Variants in WDR72 observed in about 807,000 individuals in gnomAD.
The protein encoded by WDR72 is WD repeat-containing protein 72.
WDR72 carries 120 observed loss-of-function variants against 124.2 expected under a neutral mutation model. That is an observed-to-expected ratio of 0.97 (90% CI 0.83 to 1.12). The LOEUF (loss-of-function observed/expected upper bound fraction) is 1.12, where lower values mean the gene tolerates loss of function less well. Ranked by LOEUF, WDR72 falls within the 50% of genes most tolerant of loss-of-function variation. WDR72 has a pLI of 0.00. For missense variants in WDR72, 1,387 were observed against 1,278.8 expected (o/e 1.08, Z -1.29); for synonymous variants, 452 against 441.7 (o/e 1.02, Z -0.29).
Position 53,615,586 on chromosome 15 carries a change from AT to A in WDR72, c.2619del (p.Lys873AsnfsTer29). 6.2e-7 allele frequency: 1 copy of A among 1,613,034 alleles called. No individual in the cohort carries two copies. On this transcript the variant is annotated frameshift_variant, in exon 15 of 20. Transcript: ENST00000360509. LOFTEE classifies it high-confidence loss of function. ...ACCTGATTTGGAAGAGTGGCTGTGT[AT>A]TTATCTGACAAGTCCAAAACTTTCC... ...FSRKVLDLSDKYTATLPNQVG... is the reference protein window; with the variant it reads ...FSRKVLDLSDXYTATLPNQVG...
chr15:53,602,007 A>G lies in WDR72; in HGVS notation c.2953-4733T>C, dbSNP rs547204505. Among the ~76,000 whole-genome samples, 32 of 152,262 alleles carry G rather than the reference A, an allele frequency of 2.1e-4. No homozygotes were observed. In the South Asian group the frequency reaches 5.4e-3, roughly 26 times the overall value. The stretch of plus-strand genomic sequence containing the variant: ...GATCAAATGGACCTGATGTCTATAG[A>G]ACTCTCCACCCAAAAACAACAGATT... On this transcript the variant is annotated intron_variant, in intron 17 of 19. Transcript: ENST00000360509.
chr15:53,752,038 A>G (rs2018788097), intron 1 of WDR72, among the ~76,000 whole-genome samples: 2 of 152,208 alleles, frequency 1.3e-5, no homozygotes, highest in African/African-American at 2.4e-5. Flanking sequence ...TAAGTAAACA[A>G]TATTCCGATA....
At chr15:53,751,465 T>C (rs2018771951) in intron 1 of WDR72, among the ~76,000 whole-genome samples, 1 of 152,202 alleles carries the variant, frequency 6.6e-6, no homozygotes, top group Admixed American at 6.5e-5. Context: ...GTACTTTTAA[T>C]CACAGTATGC....
At chr15:53,690,455 TCTC>T (rs1162573894) in intron 13 of WDR72, among the ~76,000 whole-genome samples, 4 of 152,102 alleles carry the variant, frequency 2.6e-5, no homozygotes, top group Admixed American at 2.6e-4. Flanking sequence ...CACAACCACA[TCTC>T]CTGACAACCA....
Position 53,676,779 on chromosome 15 carries a change from T to C in WDR72, c.1766-11011A>G, listed in dbSNP as rs149051862. 1.4e-3 allele frequency among the ~76,000 whole-genome samples: 216 copies of C among 152,304 alleles called. 2 individuals carry two copies. The East Asian group carries it at 0.039, about 27-fold the overall frequency. On this transcript the variant is annotated intron_variant, in intron 13 of 19. Transcript: ENST00000360509. ...TGTGAGACAATAAATAGGTGTTGTT[T>C]TGAGCTGCTAAGTTTGTGTTAATTT...
At chr15:53,584,095 A>G (rs2012075752) in intron 18 of WDR72, among the ~76,000 whole-genome samples, 1 of 152,034 alleles carries the variant, frequency 6.6e-6, no homozygotes, top group African/African-American at 2.4e-5. Flanking sequence ...ATAATTACAC[A>G]AAAAAGGAAA....
chr15:53,732,904 A>G, intron 2 of WDR72, 93 bp downstream of exon 2: 1 of 1,468,438 alleles, frequency 6.8e-7, no homozygotes, highest in Non-Finnish European at 9.5e-7. Context: ...TTTAACAATC[A>G]TGCAAACCTT....
intron 18 of WDR72, among the ~76,000 whole-genome samples, chr15:53,579,255 A>G (rs1416275296): frequency 6.6e-6 from 1 of 152,092 alleles, no homozygotes; most frequent in Non-Finnish European, 1.5e-5. Flanking sequence ...CTTTTATGGG[A>G]TTTCTTTAGC....
intron 13 of WDR72, among the ~76,000 whole-genome samples, chr15:53,668,881 A>G (rs1310737903): frequency 7.2e-6 from 1 of 138,198 alleles, no homozygotes; most frequent in African/African-American, 2.6e-5. Flanking sequence ...TTATAGCCTC[A>G]GTGACAAGGT....
At chr15:53,591,868 G>A (rs1469581725) in intron 18 of WDR72, among the ~76,000 whole-genome samples, 1 of 151,932 alleles carries the variant, frequency 6.6e-6, no homozygotes, top group Admixed American at 6.6e-5. Flanking sequence ...CTATTTTCTG[G>A]TGATTAGTTT....
intron 18 of WDR72, among the ~76,000 whole-genome samples, chr15:53,565,532 C>T (rs1171118559): frequency 6.6e-6 from 1 of 151,890 alleles, no homozygotes; most frequent in Non-Finnish European, 1.5e-5. Flanking sequence ...GTAAGGTATA[C>T]TATGCACAGT....
At chr15:53,656,314 C>T (rs1412650111) in intron 14 of WDR72, among the ~76,000 whole-genome samples, 1 of 152,030 alleles carries the variant, frequency 6.6e-6, no homozygotes, top group African/African-American at 2.4e-5. Context: ...GCCTTCAGGG[C>T]ATCACTATTA....
chr15:53,590,308 C>A (rs75484630), intron 18 of WDR72, among the ~76,000 whole-genome samples: 16,854 of 151,858 alleles, frequency 0.11, 1,031 homozygotes, highest in African/African-American at 0.15. Context: ...CCAAAAGGAA[C>A]CTTTTAAATT....
intron 14 of WDR72, among the ~76,000 whole-genome samples, chr15:53,620,791 A>T (rs1216480627): frequency 6.6e-6 from 1 of 152,118 alleles, no homozygotes; most frequent in African/African-American, 2.4e-5. Flanking sequence ...AACAAAGATT[A>T]AACAGCTGGG....
At chr15:53,707,839 T>C (rs145520477) in intron 9 of WDR72, among the ~76,000 whole-genome samples, 70 of 152,304 alleles carry the variant, frequency 4.6e-4, no homozygotes, top group Non-Finnish European at 9.1e-4. Context: ...TTTGGTTAAA[T>C]TGGCTACTCA....
At chr15:53,642,351 C>G (rs1479162213) in intron 14 of WDR72, among the ~76,000 whole-genome samples, 1 of 151,714 alleles carries the variant, frequency 6.6e-6, no homozygotes, top group African/African-American at 2.4e-5. Flanking sequence ...TGAAAGATGT[C>G]TGCCAAATAT....
intron 13 of WDR72, among the ~76,000 whole-genome samples, chr15:53,691,183 G>A (rs950681610): frequency 1.3e-5 from 2 of 152,022 alleles, no homozygotes; most frequent in African/African-American, 4.8e-5. Flanking sequence ...CAGAATAGCT[G>A]GGACTACTGG....
chr15:53,597,133 C>A lies in WDR72; in HGVS notation c.3094G>T (p.Glu1032Ter), dbSNP rs760492063. ...TGTAACTCTAGTTCTTCTGTCCATT[C>A]CAGCTTTGGCAGCATCTGCTTCATC... ...CEMKQMLPKL[E>*]WTEELELQCV... The change falls in exon 18 of 20, where the codon GAA (glutamate) becomes TAA (stop). Residue 1032 changes from glutamate (E) to a stop codon, truncating the protein, a stop_gained. Transcript: ENST00000360509. LOFTEE classifies it high-confidence loss of function. 1 of 1,613,910 alleles carries A rather than the reference C, an allele frequency of 6.2e-7. No homozygotes were observed. The highest frequency in any genetic ancestry group is 1.1e-5 in the South Asian group (1 of 91,076).
intron 14 of WDR72, among the ~76,000 whole-genome samples, chr15:53,625,993 C>A (rs1360695790): frequency 6.6e-6 from 1 of 152,186 alleles, no homozygotes; most frequent in East Asian, 1.9e-4. Context: ...AACGTACTTT[C>A]TAGCAACATG....
Sources: allele counts gnomAD v4.1 joint callset (sites outside exome capture counted in the v4.1 genomes callset), GRCh38; gene constraint gnomAD v4.1.1; transcripts MANE v1.5; gene names NCBI Gene and HGNC (gene_info 2026-07-23, HGNC 2026-07-21).